The following ZFAND3 variants were observed in gnomAD, a reference collection of about 807,000 sequenced individuals.
ZFAND3 encodes the protein AN1-type zinc finger protein 3.
A neutral mutation model predicts 29.6 loss-of-function variants in ZFAND3; 10 were observed. That is an observed-to-expected ratio of 0.34 (90% confidence interval 0.21 to 0.57). ZFAND3 has a LOEUF of 0.57. Among genes scored for constraint, ZFAND3 ranks in the 20% least tolerant of loss-of-function variants. ZFAND3 has a pLI of 0.86. For missense variants in ZFAND3, 230 were observed against 304.5 expected (o/e 0.76, Z 1.82); for synonymous variants, 128 against 112.6 (o/e 1.14, Z -0.87).
intron 1 of ZFAND3, among the ~76,000 whole-genome samples, chr6:37,910,373 C>G (rs1765497759): frequency 6.6e-6 from 1 of 150,774 alleles, no homozygotes; most frequent in African/African-American, 2.5e-5. Context: ...TAAGTAATGT[C>G]CAGTTTTGGT....
intron 1 of ZFAND3, among the ~76,000 whole-genome samples, chr6:37,835,744 C>CT (rs36026260): frequency 0.067 from 10,187 of 151,802 alleles, 408 homozygotes; most frequent in Non-Finnish European, 0.085. Context: ...TGCATTTGTT[C>CT]TTTTTTTTAA....
At chr6:37,983,760 A>G (rs960766093) in intron 2 of ZFAND3, among the ~76,000 whole-genome samples, 2 of 152,010 alleles carry the variant, frequency 1.3e-5, no homozygotes, top group African/African-American at 4.8e-5. Flanking sequence ...TGCCCACAGT[A>G]TTCAGTACAG....
intron 2 of ZFAND3, among the ~76,000 whole-genome samples, chr6:38,018,447 G>A (rs1763288402): frequency 6.6e-6 from 1 of 152,004 alleles, no homozygotes; most frequent in Non-Finnish European, 1.5e-5. Context: ...TTTTGAAGGG[G>A]AAGTACACAC....
intron 1 of ZFAND3, among the ~76,000 whole-genome samples, chr6:37,887,112 T>C (rs770661348): frequency 6.6e-6 from 1 of 152,248 alleles, no homozygotes; most frequent in Non-Finnish European, 1.5e-5. Flanking sequence ...TAAAGAATGT[T>C]TTAATGAAGT....
intron 5 of ZFAND3, among the ~76,000 whole-genome samples, chr6:38,129,945 C>T (rs185755799): frequency 6.6e-6 from 1 of 152,084 alleles, no homozygotes; most frequent in African/African-American, 2.4e-5. Flanking sequence ...TTCTACCCAT[C>T]CATGAGCATG....
chr6:37,980,978 C>G (rs1252034752), intron 2 of ZFAND3, among the ~76,000 whole-genome samples: 1 of 152,172 alleles, frequency 6.6e-6, no homozygotes, highest in Non-Finnish European at 1.5e-5. Flanking sequence ...TCTCTGCTTT[C>G]TATTTGTTCT....
chr6:38,028,169 T>C (rs1484002179), intron 2 of ZFAND3, among the ~76,000 whole-genome samples: 2 of 152,218 alleles, frequency 1.3e-5, no homozygotes, highest in Admixed American at 6.5e-5. Context: ...ACTTCCTTCC[T>C]TTTCTCTGTT....
intron 2 of ZFAND3, among the ~76,000 whole-genome samples, chr6:38,010,879 G>A (rs1024248872): frequency 6.7e-6 from 1 of 149,380 alleles, no homozygotes; most frequent in South Asian, 2.2e-4. Context: ...GGGATTACAG[G>A]TTTGAGCCAC....
intron 1 of ZFAND3, among the ~76,000 whole-genome samples, chr6:37,865,909 G>A (rs1346366789): frequency 6.6e-6 from 1 of 152,164 alleles, no homozygotes; most frequent in Non-Finnish European, 1.5e-5. Context: ...TCACCCTTCA[G>A]TCTTCCTGCA....
intron 1 of ZFAND3, among the ~76,000 whole-genome samples, chr6:37,837,025 A>C (rs1388672994): frequency 6.6e-6 from 1 of 152,126 alleles, no homozygotes; most frequent in Non-Finnish European, 1.5e-5. Flanking sequence ...TTTGAAGTGC[A>C]TCTGTGTTGC....
intron 2 of ZFAND3, among the ~76,000 whole-genome samples, chr6:37,956,554 C>T (rs1296423089): frequency 6.6e-6 from 1 of 152,124 alleles, no homozygotes; most frequent in Non-Finnish European, 1.5e-5. Flanking sequence ...TAACAAATGG[C>T]ATCAAGTGAG....
chr6:37,960,542 G>A (rs762208256), intron 2 of ZFAND3, among the ~76,000 whole-genome samples: 3 of 152,108 alleles, frequency 2.0e-5, no homozygotes, highest in African/African-American at 7.2e-5. Flanking sequence ...CTCTTAGCAC[G>A]TACACATTCT....
rs753664764 is a variant in ZFAND3 at position 38,082,446 on chromosome 6, C to A, written c.350C>A (p.Ser117Tyr). ...HVSLITPTKRSCGTDSQSENE... is the reference protein window; with the variant it reads ...HVSLITPTKRYCGTDSQSENE... Reference sequence around the variant, plus strand: ...TCATTAATCACACCAACAAAAAGATCCTGTGGTACAGGTATGTACGTCATT... The same window carrying A: ...TCATTAATCACACCAACAAAAAGATACTGTGGTACAGGTATGTACGTCATT... The change falls in exon 4 of 6, where the codon TCC (serine) becomes TAC (tyrosine). Residue 117 changes from serine to tyrosine, a missense_variant. Coordinates refer to ENST00000287218, the MANE Select transcript of ZFAND3 (RefSeq NM_021943.3). The A allele has an allele frequency of 1.2e-5, 20 of 1,611,678 alleles. No individual in the cohort carries two copies. Among genetic ancestry groups the A allele is most frequent in the Non-Finnish European group, 1.6e-5 (19 of 1,178,682 alleles).
At chr6:38,010,159 C>T (rs1452988870) in intron 2 of ZFAND3, among the ~76,000 whole-genome samples, 1 of 152,188 alleles carries the variant, frequency 6.6e-6, no homozygotes, top group Admixed American at 6.5e-5. Context: ...AGGTGAGAAC[C>T]AGCCCTGGAC....
chr6:37,908,112 TC>T (rs1176836989), intron 1 of ZFAND3, among the ~76,000 whole-genome samples: 1 of 152,200 alleles, frequency 6.6e-6, no homozygotes, highest in Non-Finnish European at 1.5e-5. Flanking sequence ...TCTTAGTCTG[TC>T]TTAATCTAGA....
intron 2 of ZFAND3, among the ~76,000 whole-genome samples, chr6:37,979,036 A>G: frequency 6.6e-6 from 1 of 150,602 alleles, no homozygotes; most frequent in East Asian, 1.9e-4. Context: ...TTTGGGTTTC[A>G]TGGCTTTTTT....
chr6:38,122,290 A>G (rs1765550348), intron 5 of ZFAND3, among the ~76,000 whole-genome samples: 1 of 152,212 alleles, frequency 6.6e-6, no homozygotes, highest in Non-Finnish European at 1.5e-5. Flanking sequence ...ATTACCTAGA[A>G]TACCTAATAC....
chr6:38,125,525 T>C (rs1247765116), intron 5 of ZFAND3, among the ~76,000 whole-genome samples: 4 of 152,186 alleles, frequency 2.6e-5, no homozygotes, highest in Non-Finnish European at 2.9e-5. Flanking sequence ...CTGCAGCCTG[T>C]GTCACATCCC....
intron 3 of ZFAND3, among the ~76,000 whole-genome samples, chr6:38,080,973 A>C (rs934625079): frequency 6.6e-6 from 1 of 152,156 alleles, no homozygotes; most frequent in Non-Finnish European, 1.5e-5. Context: ...TCGAAACTGC[A>C]ATTTATTCTT....
Sources: allele counts gnomAD v4.1 joint callset (sites outside exome capture counted in the v4.1 genomes callset), GRCh38; gene constraint gnomAD v4.1.1; transcripts MANE v1.5; gene names NCBI Gene and HGNC (gene_info 2026-07-23, HGNC 2026-07-21).